The following INSR variants were observed in gnomAD, a reference collection of about 807,000 sequenced individuals.
The protein encoded by INSR is IR.
In INSR, 67 loss-of-function variants were observed where a neutral mutation model predicts 142.6. The observed-to-expected ratio is 0.47, with a 90% CI of 0.39 to 0.58. The LOEUF (loss-of-function observed/expected upper bound fraction) is 0.58, where lower values mean the gene tolerates loss of function less well. INSR is among the 20% of genes least tolerant of loss of function. INSR has a pLI of 0.00. For missense variants in INSR, 1,248 were observed against 1,833.2 expected (o/e 0.68, Z 5.83); for synonymous variants, 756 against 743.1 (o/e 1.02, Z -0.28).
At chr19:7,293,123 G>T (rs1968541289) in intron 1 of INSR, among the ~76,000 whole-genome samples, 1 of 152,116 alleles carries the variant, frequency 6.6e-6, no homozygotes, top group Non-Finnish European at 1.5e-5. Context: ...TGTGGCGTGC[G>T]GTGATACCAA....
chr19:7,228,740 A>G (rs1975860689), intron 2 of INSR, among the ~76,000 whole-genome samples: 1 of 152,216 alleles, frequency 6.6e-6, no homozygotes, highest in Non-Finnish European at 1.5e-5. Context: ...CCTGTCCCCT[A>G]TGCTACAAAA....
rs1394458692 is a variant in INSR at position 7,168,308 on chromosome 19, G to A, written c.1484-214C>T. 3.9e-5 allele frequency among the ~76,000 whole-genome samples: 6 copies of A among 152,112 alleles called. No homozygotes were observed. The highest frequency in any genetic ancestry group is 1.4e-4 in the African/African-American group (6 of 41,424). On this transcript the variant is annotated intron_variant, in intron 6 of 21. Transcript: ENST00000302850. The surrounding 1 kb of genome is among the most constrained non-coding windows in gnomAD (Gnocchi z 4.3). ...TTGCAACTTGGCCACTCACACTCACGTAAGCCAATGACTTGACTCAGCCAG... is the reference window on the plus strand; with the variant it reads ...TTGCAACTTGGCCACTCACACTCACATAAGCCAATGACTTGACTCAGCCAG...
chr19:7,134,078 C>T (rs2144837083), intron 13 of INSR, among the ~76,000 whole-genome samples: 1 of 150,202 alleles, frequency 6.7e-6, no homozygotes, highest in Admixed American at 6.7e-5. Context: ...ACTTGGGAGG[C>T]TGAGGCAGGA....
chr19:7,233,205 G>T (rs1183526851), intron 2 of INSR, among the ~76,000 whole-genome samples: 1 of 152,104 alleles, frequency 6.6e-6, no homozygotes, highest in Non-Finnish European at 1.5e-5. Flanking sequence ...TGTTGGCCAG[G>T]CTGGTCTTGG....
At position 7,126,701 on chromosome 19, in the gene INSR, G is replaced by C. The variant is rs116099090; in HGVS notation, c.2946-50C>G. 5.3e-4 allele frequency: 794 copies of C among 1,509,728 alleles called. No homozygotes were observed. In the African/African-American group the frequency reaches 9.6e-3, roughly 18 times the overall value. The allele number at this position is 1,509,728 out of a possible 1,614,324, so 93.5% of individuals were successfully genotyped here. A position where few individuals can be genotyped will look rare whatever the true frequency, so the allele number is the denominator to read the frequency against. On this transcript the variant is annotated intron_variant, in intron 15 of 21. Transcript: ENST00000302850. ...TAGCTTGAGATTCTCATGGGACTCT[G>C]CAGAAAGGTGTTTCATACAAGACTC...
At chr19:7,255,222 T>C (rs1314728808) in intron 2 of INSR, among the ~76,000 whole-genome samples, 1 of 152,196 alleles carries the variant, frequency 6.6e-6, no homozygotes, top group Admixed American at 6.6e-5. Context: ...TCTAACCTGA[T>C]AGTTACTTTG....
At chr19:7,212,510 G>A (rs770755716) in intron 2 of INSR, among the ~76,000 whole-genome samples, 3 of 152,204 alleles carry the variant, frequency 2.0e-5, no homozygotes, top group Admixed American at 6.5e-5. Flanking sequence ...ACAAGACATC[G>A]TGGACCTTGA....
At chr19:7,246,871 G>A (rs61394670) in intron 2 of INSR, among the ~76,000 whole-genome samples, 5,837 of 132,542 alleles carry the variant, frequency 0.044, 678 homozygotes, top group African/African-American at 0.19. Context: ...TATGTTTCAG[G>A]GTGGTTTGTT....
intron 2 of INSR, among the ~76,000 whole-genome samples, chr19:7,206,602 T>C (rs1975111402): frequency 6.6e-6 from 1 of 152,122 alleles, no homozygotes; most frequent in African/African-American, 2.4e-5. Context: ...GCACGCTCTT[T>C]ATGAGAATCT....
rs1158961368 is a variant in INSR at position 7,259,150 on chromosome 19, CTTCCT to C, written c.652+8190_652+8194del. On this transcript the variant is annotated intron_variant, in intron 2 of 21. Coordinates refer to ENST00000302850, the MANE Select transcript of INSR (RefSeq NM_000208.4). ...TATTTCTTCCCTCCTTCCTTTTTTC[CTTCCT>C]TTTCTTTTCTTTCTTCCCTCCTTCC... is the stretch of plus-strand genomic sequence containing the variant. 4.4e-5 allele frequency among the ~76,000 whole-genome samples: 6 copies of C among 135,410 alleles called. 1 individual carries two copies. Among genetic ancestry groups the C allele is most frequent in the Admixed American group, 3.8e-4 (5 of 13,020 alleles). 88.8% of individuals were successfully genotyped at this position (135,410 alleles called of 152,430 possible). A position where few individuals can be genotyped will look rare whatever the true frequency, so the allele number is the denominator to read the frequency against.
In INSR at chr19:7,119,933, T is replaced by C. The variant is rs560507679; in HGVS notation, c.3660-350A>G. ...ACACACACACAAACACATCTCTTGG[T>C]TTCTAGAACATGGTTAGCCACTTAA... On this transcript the variant is annotated intron_variant, in intron 20 of 21. Transcript: ENST00000302850. This position sits in a 1 kb window ranked among gnomAD's most constrained non-coding sequence, Gnocchi z 5.2. Among the ~76,000 whole-genome samples the C allele has an allele frequency of 2.6e-5, 4 of 152,102 alleles. No homozygotes were observed. In the South Asian group the frequency reaches 8.3e-4, roughly 32 times the overall value.
chr19:7,131,267 C>T (rs184549199), intron 14 of INSR, among the ~76,000 whole-genome samples: 20 of 152,000 alleles, frequency 1.3e-4, no homozygotes, highest in Admixed American at 1.1e-3. Flanking sequence ...GATCAAAAAA[C>T]GACCTATCAG....
intron 9 of INSR, among the ~76,000 whole-genome samples, chr19:7,158,378 G>A (rs1307991093): frequency 6.6e-6 from 1 of 152,130 alleles, no homozygotes; most frequent in Non-Finnish European, 1.5e-5. Flanking sequence ...GCGGGCGCCT[G>A]TAGTCCCAGC....
At position 7,113,161 on chromosome 19, in the gene INSR, G is replaced by GC. The variant is rs1461910799; in HGVS notation, c.*3894dup. Reference sequence around the variant, plus strand: ...CACATCCATTTACCGGATGACCAGCGCAAGTCATATGCTGATGACGCTCCT... The same window carrying GC: ...CACATCCATTTACCGGATGACCAGCGCCAAGTCATATGCTGATGACGCTCCT... On this transcript the variant is annotated 3_prime_UTR_variant, in exon 22 of 22. Coordinates refer to ENST00000302850, the MANE Select transcript of INSR (RefSeq NM_000208.4). 6.6e-6 allele frequency: 1 copy of GC among 152,102 alleles called. No individual in the cohort carries two copies. The highest frequency in any genetic ancestry group is 1.5e-5 in the Non-Finnish European group (1 of 68,026). The allele number at this position is 152,102 out of a possible 1,614,324, so 9.4% of individuals were successfully genotyped here.
At chr19:7,153,118 ACACACACACACCACACAC>A (rs1973445128) in intron 9 of INSR, among the ~76,000 whole-genome samples, 191 bp from the exon 10 acceptor site, 1 of 126,552 alleles carries the variant, frequency 7.9e-6, no homozygotes, top group Admixed American at 8.4e-5. Context: ...ACACACAACC[ACACACACACACCACACAC>A]CACACACACC....
chr19:7,204,176 G>A (rs772172348), intron 2 of INSR, among the ~76,000 whole-genome samples: 7 of 151,966 alleles, frequency 4.6e-5, no homozygotes, highest in African/African-American at 7.2e-5. Context: ...CTGAGTAGCT[G>A]GGATTACAGG....
Position 7,166,292 on chromosome 19 carries a change from G to A in INSR, c.1723C>T (p.His575Tyr), listed in dbSNP as rs777099465. 1 of 1,614,166 alleles carries A rather than the reference G, an allele frequency of 6.2e-7. No homozygotes were observed. Among genetic ancestry groups the A allele is most frequent in the Admixed American group, 1.7e-5 (1 of 59,986 alleles). The change falls in exon 8 of 22, where the codon CAC becomes TAC. Residue 575 changes from histidine (H) to tyrosine (Y), a missense_variant. His to Tyr is a moderately conservative substitution (Grantham distance 83, BLOSUM62 2). Transcript: ENST00000302850. The surrounding 1 kb of genome is among the most constrained non-coding windows in gnomAD (Gnocchi z 4.1). Reference sequence around the variant, plus strand: ...AGACCCCGCATCAGCCACCCTGGGTGGTTCTGTGATTTGGGGTCGTTGGAC... The same window carrying A: ...AGACCCCGCATCAGCCACCCTGGGTAGTTCTGTGATTTGGGGTCGTTGGAC... ...LRSNDPKSQN[H>Y]PGWLMRGLKP...
At chr19:7,226,408 C>T (rs371231183) in intron 2 of INSR, among the ~76,000 whole-genome samples, 10,096 of 68,970 alleles carry the variant, frequency 0.15, 438 homozygotes, top group Middle Eastern at 0.17. Flanking sequence ...GACTCCGTCT[C>T]AAGGGAAAAA....
At chr19:7,289,996 A>AG (rs925166223) in intron 1 of INSR, among the ~76,000 whole-genome samples, 10 of 152,216 alleles carry the variant, frequency 6.6e-5, no homozygotes, top group African/African-American at 2.4e-4. Context: ...ATGGAAGTCA[A>AG]GGGTAGAGTG....
Sources: allele counts gnomAD v4.1 joint callset (sites outside exome capture counted in the v4.1 genomes callset), GRCh38; gene constraint gnomAD v4.1.1; non-coding constraint Gnocchi (gnomAD v3.1); transcripts MANE v1.5; gene names NCBI Gene and HGNC (gene_info 2026-07-23, HGNC 2026-07-21).